The following NUCKS1 variants were observed in gnomAD, a reference collection of about 807,000 sequenced individuals.
NUCKS1 encodes nuclear casein kinase and cyclin dependent kinase substrate 1, also known as nuclear ubiquitous casein and cyclin-dependent kinase substrate 1.
Under a neutral mutation model 33.0 loss-of-function variants are expected in NUCKS1, and 2 were observed. The observed-to-expected ratio is 0.06, with a 90% CI of 0.02 to 0.19. The LOEUF is 0.19. Among genes scored for constraint, NUCKS1 ranks in the 10% least tolerant of loss-of-function variants. The pLI is 1.00. For missense variants in NUCKS1, 201 were observed against 293.6 expected, an observed-to-expected ratio of 0.68 and a Z score of 2.31; for synonymous variants, 106 against 102.8, an observed-to-expected ratio of 1.03 and a Z score of -0.19.
intron 1 of NUCKS1, among the ~76,000 whole-genome samples, chr1:205,746,618 C>T (rs1654339843): frequency 6.6e-6 from 1 of 152,126 alleles, no homozygotes; most frequent in Non-Finnish European, 1.5e-5. Context: ...TAGCTGAGGA[C>T]TTCTTGAAAC....
chr1:205,724,011 T>TA, intron 3 of NUCKS1, 30 bp from the exon 4 acceptor site: 1 of 1,539,208 alleles, frequency 6.5e-7, no homozygotes, highest in Non-Finnish European at 9.0e-7. Context: ...AGCAAATGCA[T>TA]AAAAGTCTTA....
rs1671846629 is a variant in NUCKS1 at position 205,717,638 on chromosome 1, T to A, written c.*642A>T. On this transcript the variant is annotated 3_prime_UTR_variant, in exon 7 of 7. Transcript: ENST00000367142. ...GGTCAGGTAACCCCATTGCCCACCC[T>A]CCCTACAAGGTAAAAAATGAGTACT... The A allele has an allele frequency of 1.0e-6, 1 of 980,916 alleles. No homozygotes were observed. The highest frequency in any genetic ancestry group is 1.2e-6 in the Non-Finnish European group (1 of 826,472). 60.8% of individuals were successfully genotyped at this position (980,916 alleles called of 1,614,324 possible).
At chr1:205,736,310 T>A (rs565534441) in intron 1 of NUCKS1, among the ~76,000 whole-genome samples, 1 of 152,314 alleles carries the variant, frequency 6.6e-6, no homozygotes, top group East Asian at 1.9e-4. Context: ...AGATCAAAAA[T>A]TTTTAAATCA....
chr1:205,738,253 G>A (rs1433922247), intron 1 of NUCKS1, among the ~76,000 whole-genome samples: 3 of 151,752 alleles, frequency 2.0e-5, no homozygotes, highest in African/African-American at 4.8e-5. Context: ...GTTTCAAACC[G>A]CTGACCTCAA....
chr1:205,732,166 T>A (rs1653930692), intron 1 of NUCKS1, among the ~76,000 whole-genome samples: 1 of 152,140 alleles, frequency 6.6e-6, no homozygotes. Flanking sequence ...TCTTAAGGAG[T>A]TCCACCTTCT....
At chr1:205,749,170 T>C (rs1373302447) in intron 1 of NUCKS1, among the ~76,000 whole-genome samples, 1 of 152,234 alleles carries the variant, frequency 6.6e-6, no homozygotes, top group Non-Finnish European at 1.5e-5. Flanking sequence ...GCCGTGCTGT[T>C]AACCCGCACC....
intron 1 of NUCKS1, among the ~76,000 whole-genome samples, chr1:205,741,049 C>CTA (rs1254346944): frequency 1.3e-5 from 2 of 151,478 alleles, no homozygotes; most frequent in Non-Finnish European, 2.9e-5. Flanking sequence ...CGCCTGTAAT[C>CTA]CCGCCTCAGG....
At position 205,742,502 on chromosome 1, in the gene NUCKS1, C is replaced by T. The variant is rs536158540; in HGVS notation, c.17+7455G>A. 4.4e-3 allele frequency among the ~76,000 whole-genome samples: 671 copies of T among 152,198 alleles called. 7 individuals carry two copies. Among genetic ancestry groups the T allele is most frequent in the South Asian group, 0.011 (53 of 4,808 alleles). On this transcript the variant is annotated intron_variant, in intron 1 of 6. Coordinates refer to ENST00000367142, the MANE Select transcript of NUCKS1 (RefSeq NM_022731.5). ...AAAATAAAGGGGCGCCCAGTTTGAC[C>T]GAAGTGGTCTTGTGCTAAAAAATAA...
rs1250101927 is a variant in NUCKS1, at chr1:205,715,949, TAG to T, written c.*2329_*2330del. 6.6e-6 allele frequency: 1 copy of T among 152,178 alleles called. No homozygotes were observed. The highest frequency in any genetic ancestry group is 1.5e-5 in the Non-Finnish European group (1 of 68,028). 9.4% of individuals were successfully genotyped at this position (152,178 alleles called of 1,614,324 possible). On this transcript the variant is annotated 3_prime_UTR_variant, in exon 7 of 7. Coordinates refer to ENST00000367142, the MANE Select transcript of NUCKS1 (RefSeq NM_022731.5). Reference sequence around the variant, plus strand: ...TGCATGCATGATTTGAGGGGAAGACTAGAGTGTTTTAAATCATCAATAAAAAG... The same window carrying T: ...TGCATGCATGATTTGAGGGGAAGACTAGTGTTTTAAATCATCAATAAAAAG...
At chr1:205,727,590 G>A in intron 3 of NUCKS1, 110 bp downstream of exon 3, 2 of 748,282 alleles carry the variant, frequency 2.7e-6, no homozygotes, top group Non-Finnish European at 4.8e-6. Context: ...TAAGTGGACA[G>A]TAAGTACTTT....
intron 1 of NUCKS1, among the ~76,000 whole-genome samples, chr1:205,745,056 C>T (rs532940917): frequency 6.6e-6 from 1 of 152,172 alleles, no homozygotes; most frequent in Non-Finnish European, 1.5e-5. Flanking sequence ...AAATTTTAAA[C>T]CACATATGGC....
chr1:205,739,773 T>A (rs1654119537), intron 1 of NUCKS1, among the ~76,000 whole-genome samples: 1 of 152,040 alleles, frequency 6.6e-6, no homozygotes, highest in African/African-American at 2.4e-5. Context: ...TTATTTTTTG[T>A]AGAGATGAGG....
intron 3 of NUCKS1, among the ~76,000 whole-genome samples, chr1:205,727,032 T>C (rs189018043): frequency 6.6e-6 from 1 of 152,222 alleles, no homozygotes; most frequent in East Asian, 1.9e-4. Flanking sequence ...GGTGCAATCA[T>C]AGCTCACTGC....
In NUCKS1 at chr1:205,715,362, G is replaced by A. The variant is rs1204256596; in HGVS notation, c.*2918C>T. The A allele has an allele frequency of 6.6e-6, 1 of 152,198 alleles. No individual in the cohort carries two copies. Among genetic ancestry groups the A allele is most frequent in the Non-Finnish European group, 1.5e-5 (1 of 68,036 alleles). 9.4% of individuals were successfully genotyped at this position (152,198 alleles called of 1,614,324 possible). ...CACTCTTTGCATTACCTCCCTAAAG[G>A]AGGAAACACCCATTAATTTTCCCTT... is the stretch of plus-strand genomic sequence containing the variant. On this transcript the variant is annotated 3_prime_UTR_variant, in exon 7 of 7. Coordinates refer to ENST00000367142, the MANE Select transcript of NUCKS1 (RefSeq NM_022731.5).
intron 1 of NUCKS1, among the ~76,000 whole-genome samples, chr1:205,749,631 G>A (rs963784758): frequency 3.3e-5 from 5 of 152,072 alleles, no homozygotes; most frequent in Non-Finnish European, 7.4e-5. Context: ...GCCTCTTGGG[G>A]GCGCTGACTT....
At chr1:205,741,297 C>CAAAAAAAAAAA (rs56979923) in intron 1 of NUCKS1, among the ~76,000 whole-genome samples, 16 of 78,910 alleles carry the variant, frequency 2.0e-4, no homozygotes, top group South Asian at 4.6e-4. Flanking sequence ...GAGACTGTCT[C>CAAAAAAAAAAA]AAAAAAAAAA....
chr1:205,719,538 A>G lies in NUCKS1; in HGVS notation c.521T>C (p.Leu174Pro). The G allele has an allele frequency of 6.3e-7, 1 of 1,599,870 alleles. No individual in the cohort carries two copies. The highest frequency in any genetic ancestry group is 8.5e-7 in the Non-Finnish European group (1 of 1,176,946). Residue 174 changes from leucine to proline, a missense_variant, in exon 6 of 7, where the codon CTA (leucine) becomes CCA (proline). By Grantham distance (98) the Leu-to-Pro change is moderately conservative. Coordinates refer to ENST00000367142, the MANE Select transcript of NUCKS1 (RefSeq NM_022731.5). ...RKEKKMPKPRLKATVTPSPVK... is the reference protein window; with the variant it reads ...RKEKKMPKPRPKATVTPSPVK... ...TCTGCAGAAATTACCTGTAGCCTTT[A>G]GTCTGGGTTTGGGCATTTTCTTTTC...
At chr1:205,740,197 G>A (rs1054022363) in intron 1 of NUCKS1, among the ~76,000 whole-genome samples, 12 of 149,410 alleles carry the variant, frequency 8.0e-5, no homozygotes, top group African/African-American at 3.0e-4. Context: ...TAGAGAAGGG[G>A]TTTCACCATG....
rs1671827281 is a variant in NUCKS1 at position 205,716,687 on chromosome 1, AG to A, written c.*1592del. On this transcript the variant is annotated 3_prime_UTR_variant, in exon 7 of 7. Transcript: ENST00000367142. ...AGGAAGCAAATCTAGATTAAAAGGC[AG>A]GAAAAAAAGGCAGAAGTTTAAATTT... 6.6e-6 allele frequency: 1 copy of A among 152,236 alleles called. No homozygotes were observed. The highest frequency in any genetic ancestry group is 2.4e-5 in the African/African-American group (1 of 41,468). 9.4% of individuals were successfully genotyped at this position (152,236 alleles called of 1,614,324 possible).
Sources: gnomAD v4.1 joint callset for allele counts (sites outside exome capture counted in the v4.1 genomes callset) on GRCh38, gnomAD v4.1.1 for gene constraint, MANE v1.5 for transcripts, NCBI Gene and HGNC (gene_info 2026-07-23, HGNC 2026-07-21) for gene names.